TRIM44: variants seen among roughly 807,000 people sequenced by gnomAD.
TRIM44 encodes tripartite motif-containing protein 44.
TRIM44 carries 13 observed loss-of-function variants against 37.4 expected under a neutral mutation model. The observed-to-expected ratio is 0.35, with a 90% CI of 0.23 to 0.55. The LOEUF is 0.55. TRIM44 is among the 20% of genes least tolerant of loss of function. The pLI is 0.89. For synonymous variants in TRIM44, 175 were observed against 157.2 expected (o/e 1.11, Z -0.85); for missense variants, 426 against 437.2 (o/e 0.97, Z 0.23).
At position 35,812,839 on chromosome 11, in the gene TRIM44, A is replaced by C. The variant is rs1446962545; in HGVS notation, c.*6454A>C. 1 of 139,372 alleles carries C rather than the reference A, an allele frequency of 7.2e-6. No individual in the cohort carries two copies. Among genetic ancestry groups the C allele is most frequent in the African/African-American group, 2.4e-5 (1 of 40,952 alleles). The allele number at this position is 139,372 out of a possible 1,614,324, so 8.6% of individuals were successfully genotyped here. A position where few individuals can be genotyped will look rare whatever the true frequency, so the allele number is the denominator to read the frequency against. Reference sequence around the variant, plus strand: ...AAAGAAAGTCTAAGGGTAGCAGTCAAATCTTCTGGCCTGAAACTGTACTTT... The same window carrying C: ...AAAGAAAGTCTAAGGGTAGCAGTCACATCTTCTGGCCTGAAACTGTACTTT... On this transcript the variant is annotated 3_prime_UTR_variant, in exon 5 of 5. Coordinates refer to ENST00000299413, the MANE Select transcript of TRIM44 (RefSeq NM_017583.6).
At chr11:35,679,321 C>T (rs546805838) in intron 1 of TRIM44, among the ~76,000 whole-genome samples, 4 of 152,266 alleles carry the variant, frequency 2.6e-5, no homozygotes, top group Admixed American at 2.6e-4. Context: ...TTTGCTTCTA[C>T]CCTTTACCCA....
At chr11:35,762,234 T>A (rs1027501757) in intron 4 of TRIM44, among the ~76,000 whole-genome samples, 7 of 152,242 alleles carry the variant, frequency 4.6e-5, no homozygotes, top group Admixed American at 2.0e-4. Flanking sequence ...AATTGAGGGC[T>A]ATTTTCTCTT....
chr11:35,778,013 G>A (rs960928257), intron 4 of TRIM44, among the ~76,000 whole-genome samples: 6 of 152,152 alleles, frequency 3.9e-5, no homozygotes, highest in Admixed American at 3.9e-4. Flanking sequence ...GCCTTGCTAG[G>A]CTGGGGAAGT....
rs1371703649 is a variant in TRIM44 at position 35,810,870 on chromosome 11, A to G, written c.*4485A>G. On this transcript the variant is annotated 3_prime_UTR_variant, in exon 5 of 5. Transcript: ENST00000299413. ...CCCTCCTTAGGAATCTTCCCCTTCCACCCTTTACATTAAACAAGGGAACAC... is the reference window on the plus strand; with the variant it reads ...CCCTCCTTAGGAATCTTCCCCTTCCGCCCTTTACATTAAACAAGGGAACAC... The G allele has an allele frequency of 6.6e-6, 1 of 152,126 alleles. No homozygotes were observed. The highest frequency in any genetic ancestry group is 1.5e-5 in the Non-Finnish European group (1 of 68,008). The allele number at this position is 152,126 out of a possible 1,614,324, so 9.4% of individuals were successfully genotyped here.
chr11:35,707,587 A>C (rs997781222), intron 2 of TRIM44, among the ~76,000 whole-genome samples: 9 of 148,498 alleles, frequency 6.1e-5, no homozygotes, highest in East Asian at 2.0e-4. Context: ...GGAACAGAAA[A>C]GAGCCCTCAG....
chr11:35,716,062 G>A (rs988244948), intron 2 of TRIM44, among the ~76,000 whole-genome samples: 3 of 152,070 alleles, frequency 2.0e-5, no homozygotes, highest in African/African-American at 7.2e-5. Flanking sequence ...ATATCCAAAA[G>A]CATTTGTTTC....
At chr11:35,694,639 GA>G (rs1394178379) in intron 2 of TRIM44, among the ~76,000 whole-genome samples, 1 of 151,972 alleles carries the variant, frequency 6.6e-6, no homozygotes, top group African/African-American at 2.4e-5. Flanking sequence ...GTGATCATGG[GA>G]AAAGCTGTTC....
intron 4 of TRIM44, among the ~76,000 whole-genome samples, chr11:35,748,892 G>T (rs565765091): frequency 6.6e-6 from 1 of 152,274 alleles, no homozygotes; most frequent in East Asian, 1.9e-4. Flanking sequence ...GAGGAGGTTT[G>T]TTGACATTAA....
intron 1 of TRIM44, among the ~76,000 whole-genome samples, chr11:35,664,963 A>G (rs1372817319): frequency 6.6e-6 from 1 of 152,178 alleles, no homozygotes; most frequent in African/African-American, 2.4e-5. Context: ...TGAACTTGAC[A>G]CTATGGGTGT....
At chr11:35,759,253 T>A (rs1852690857) in intron 4 of TRIM44, among the ~76,000 whole-genome samples, 1 of 152,230 alleles carries the variant, frequency 6.6e-6, no homozygotes, top group African/African-American at 2.4e-5. Context: ...ATTCATTTGA[T>A]CTTCCATCAC....
intron 3 of TRIM44, among the ~76,000 whole-genome samples, chr11:35,727,108 T>C (rs1228267618): frequency 6.6e-6 from 1 of 151,176 alleles, no homozygotes; most frequent in Non-Finnish European, 1.5e-5. Flanking sequence ...CAGTGAGCTG[T>C]GATTGTGCCA....
At chr11:35,733,535 A>G (rs1852290508) in intron 3 of TRIM44, among the ~76,000 whole-genome samples, 1 of 152,110 alleles carries the variant, frequency 6.6e-6, no homozygotes, top group African/African-American at 2.4e-5. Context: ...ATTTTCCACC[A>G]TCCCTATACC....
chr11:35,798,059 G>T (rs149417238), intron 4 of TRIM44, among the ~76,000 whole-genome samples: 1 of 152,312 alleles, frequency 6.6e-6, no homozygotes, highest in East Asian at 1.9e-4. Flanking sequence ...GGAGACATGA[G>T]ACTTCAATCA....
chr11:35,793,482 G>A (rs1008596033), intron 4 of TRIM44, among the ~76,000 whole-genome samples: 28 of 152,158 alleles, frequency 1.8e-4, no homozygotes, highest in Admixed American at 7.9e-4. Flanking sequence ...CCAAGATTAC[G>A]CCACTGCACT....
chr11:35,725,558 A>G lies in TRIM44; in HGVS notation c.748-366A>G, dbSNP rs778654856. 4.5e-4 allele frequency among the ~76,000 whole-genome samples: 69 copies of G among 151,680 alleles called. 1 individual carries two copies. Among genetic ancestry groups the G allele is most frequent in the Non-Finnish European group, 3.4e-4 (23 of 67,938 alleles). On this transcript the variant is annotated intron_variant, in intron 2 of 4. Coordinates refer to ENST00000299413, the MANE Select transcript of TRIM44 (RefSeq NM_017583.6). The stretch of plus-strand genomic sequence containing the variant: ...CTCATGTTGGCCAGGCTGGTTTCGA[A>G]CTCCTGACCTCAAGTGATCCAGCCG...
chr11:35,774,681 C>T (rs944064908), intron 4 of TRIM44, among the ~76,000 whole-genome samples: 8 of 152,234 alleles, frequency 5.3e-5, no homozygotes, highest in Admixed American at 5.2e-4. Context: ...CAGCTTCCTA[C>T]ATATGGCTAG....
At position 35,814,842 on chromosome 11, in the gene TRIM44, T is replaced by C. The variant is rs1340070347; in HGVS notation, c.*8457T>C. Reference sequence around the variant, plus strand: ...AACAGCAGAGGGGATTAAATCATGATTCACTTCTGAACAGTACAATCAGCA... The same window carrying C: ...AACAGCAGAGGGGATTAAATCATGACTCACTTCTGAACAGTACAATCAGCA... On this transcript the variant is annotated 3_prime_UTR_variant, in exon 5 of 5. Transcript: ENST00000299413. 1 of 152,138 alleles carries C rather than the reference T, an allele frequency of 6.6e-6. No homozygotes were observed. Among genetic ancestry groups the C allele is most frequent in the Non-Finnish European group, 1.5e-5 (1 of 68,028 alleles). The allele number at this position is 152,138 out of a possible 1,614,324, so 9.4% of individuals were successfully genotyped here. A position where few individuals can be genotyped will look rare whatever the true frequency, so the allele number is the denominator to read the frequency against.
intron 2 of TRIM44, among the ~76,000 whole-genome samples, chr11:35,711,983 A>G (rs1851980604): frequency 6.6e-6 from 1 of 152,190 alleles, no homozygotes; most frequent in Admixed American, 6.5e-5. Context: ...CACCAATTGC[A>G]TGTTTTAAAG....
At chr11:35,701,939 G>A (rs1413824033) in intron 2 of TRIM44, among the ~76,000 whole-genome samples, 2 of 152,132 alleles carry the variant, frequency 1.3e-5, no homozygotes, top group African/African-American at 4.8e-5. Context: ...TTCCCAGAGA[G>A]GCCCTAGTGA....
Sources: allele counts gnomAD v4.1 joint callset (sites outside exome capture counted in the v4.1 genomes callset), GRCh38; gene constraint gnomAD v4.1.1; transcripts MANE v1.5; gene names NCBI Gene and HGNC (gene_info 2026-07-23, HGNC 2026-07-21).